The following GPHN variants were observed in gnomAD, a reference collection of about 807,000 sequenced individuals.
The protein encoded by GPHN is gephyrin.
GPHN carries 17 observed loss-of-function variants against 95.5 expected under a neutral mutation model. The observed-to-expected ratio is 0.18, with a 90% CI of 0.12 to 0.27. The LOEUF is 0.27. GPHN is among the 10% of genes least tolerant of loss of function. GPHN has a pLI of 1.00. For missense variants in GPHN, 660 were observed against 978.1 expected, an observed-to-expected ratio of 0.67 and a Z score of 4.34; for synonymous variants, 320 against 322.5, an observed-to-expected ratio of 0.99 and a Z score of 0.08.
chr14:66,986,688 T>C (rs1177931331), intron 9 of GPHN, among the ~76,000 whole-genome samples: 1 of 152,144 alleles, frequency 6.6e-6, no homozygotes, highest in African/African-American at 2.4e-5. Context: ...CTAACAGCAA[T>C]AGTAACTGTT....
chr14:67,538,942 G>T, the GPHN span, among the ~76,000 whole-genome samples: 2 of 152,110 alleles, frequency 1.3e-5, no homozygotes, highest in Non-Finnish European at 2.9e-5. Context: ...GATAATTTGG[G>T]TTTTCACTCT....
the GPHN span, chr14:67,572,161 G>T: frequency 6.2e-7 from 1 of 1,607,484 alleles, no homozygotes; most frequent in East Asian, 2.2e-5. Context: ...ACTGAGCTCC[G>T]AGGGTGACTA....
At chr14:66,922,454 A>G (rs759487650) in intron 6 of GPHN, among the ~76,000 whole-genome samples, 1 of 152,192 alleles carries the variant, frequency 6.6e-6, no homozygotes, top group Non-Finnish European at 1.5e-5. Flanking sequence ...CCAACATTGT[A>G]GCACTGTAGT....
At chr14:67,464,245 T>C in the GPHN span, among the ~76,000 whole-genome samples, 1 of 152,170 alleles carries the variant, frequency 6.6e-6, no homozygotes, top group South Asian at 2.1e-4. Flanking sequence ...CCGCAATCCA[T>C]GACCTCTGAG....
the GPHN span, chr14:67,674,336 G>A: frequency 6.5e-7 from 1 of 1,532,390 alleles, no homozygotes; most frequent in African/African-American, 1.4e-5. Flanking sequence ...AAAGCGCGCA[G>A]GGCTGCGCTC....
At chr14:67,175,127 G>A (rs939502769) in intron 21 of GPHN, among the ~76,000 whole-genome samples, 2 of 152,130 alleles carry the variant, frequency 1.3e-5, no homozygotes, top group African/African-American at 4.8e-5. Context: ...ATTGCTTTTG[G>A]TGTTTTAGTC....
intron 1 of GPHN, among the ~76,000 whole-genome samples, chr14:66,565,352 T>C (rs7146849): frequency 0.31 from 47,267 of 151,894 alleles, 11,181 homozygotes; most frequent in African/African-American, 0.64. Context: ...GCCGCAGCAG[T>C]GTATGGCTGG....
the GPHN span, chr14:67,562,995 C>A: frequency 8.0e-7 from 1 of 1,248,576 alleles, no homozygotes; most frequent in Non-Finnish European, 1.1e-6. Context: ...AGGCTGCTGG[C>A]ATCCTCATGG....
the GPHN span, among the ~76,000 whole-genome samples, chr14:67,335,993 A>G: frequency 6.6e-6 from 1 of 152,194 alleles, no homozygotes; most frequent in Non-Finnish European, 1.5e-5. Flanking sequence ...TGGCACAGGT[A>G]TAGGTAGGTC....
At chr14:67,060,685 T>C (rs2075789953) in intron 11 of GPHN, among the ~76,000 whole-genome samples, 1 of 152,230 alleles carries the variant, frequency 6.6e-6, no homozygotes, top group African/African-American at 2.4e-5. Context: ...GGTACTTGTC[T>C]CCTTTAATTG....
At chr14:67,628,561 A>G in the GPHN span, among the ~76,000 whole-genome samples, 19 of 152,136 alleles carry the variant, frequency 1.2e-4, 1 homozygote, top group Admixed American at 1.2e-3. Flanking sequence ...TTAACTTAAT[A>G]CCTCTTATTT....
intron 1 of GPHN, among the ~76,000 whole-genome samples, chr14:66,662,367 G>A (rs2153376463): frequency 6.6e-6 from 1 of 152,180 alleles, no homozygotes; most frequent in Middle Eastern, 3.4e-3. Context: ...GATACCCTCA[G>A]GTACTGGAAA....
At chr14:66,624,418 G>T (rs2063439288) in intron 1 of GPHN, among the ~76,000 whole-genome samples, 1 of 152,198 alleles carries the variant, frequency 6.6e-6, no homozygotes, top group Non-Finnish European at 1.5e-5. Context: ...GACCTTGTGG[G>T]TAAAGCCCTT....
the GPHN span, among the ~76,000 whole-genome samples, chr14:67,275,498 G>A: frequency 1.8e-4 from 27 of 152,250 alleles, no homozygotes; most frequent in African/African-American, 6.3e-4. Context: ...TAAGCTTTTC[G>A]ATGTGCTGCT....
intron 1 of GPHN, among the ~76,000 whole-genome samples, chr14:66,667,170 A>G (rs2066013465): frequency 6.6e-6 from 1 of 152,248 alleles, no homozygotes; most frequent in Admixed American, 6.5e-5. Context: ...TTCCATGCTC[A>G]TGGATAGGAA....
chr14:66,952,168 C>A (rs149492833), intron 8 of GPHN, among the ~76,000 whole-genome samples: 1 of 152,168 alleles, frequency 6.6e-6, no homozygotes, highest in African/African-American at 2.4e-5. Context: ...CAAAAAAACA[C>A]CTTACTCATT....
At chr14:66,530,379 G>A (rs900275316) in intron 1 of GPHN, among the ~76,000 whole-genome samples, 4 of 152,144 alleles carry the variant, frequency 2.6e-5, no homozygotes, top group Non-Finnish European at 4.4e-5. Context: ...TTAGCTTGCT[G>A]GGCTCCTTGG....
the GPHN span, among the ~76,000 whole-genome samples, chr14:67,257,653 ATATGTATATATG>A: frequency 1.1e-3 from 161 of 152,244 alleles, no homozygotes; most frequent in African/African-American, 3.6e-3. Context: ...CGTATTTTAT[ATATGTATATATG>A]TATGTATATA....
At chr14:67,458,706 T>A in the GPHN span, among the ~76,000 whole-genome samples, 1 of 152,128 alleles carries the variant, frequency 6.6e-6, no homozygotes, top group Admixed American at 6.5e-5. Context: ...CTTTATATGC[T>A]ATTTTTTTCC....
Sources: allele counts gnomAD v4.1 joint callset (sites outside exome capture counted in the v4.1 genomes callset), GRCh38; gene constraint gnomAD v4.1.1; transcripts MANE v1.5; gene names NCBI Gene and HGNC (gene_info 2026-07-23, HGNC 2026-07-21).